CMIP: variants seen among roughly 807,000 people sequenced by gnomAD.
The protein encoded by CMIP is C-Maf-inducing protein.
In CMIP, 13 loss-of-function variants were observed where a neutral mutation model predicts 97.3. The ratio of observed to expected loss-of-function variants is 0.13; its 90% CI spans 0.09 to 0.21. The LOEUF (loss-of-function observed/expected upper bound fraction) is 0.21, where lower values mean the gene tolerates loss of function less well. Among genes scored for constraint, CMIP ranks in the 10% least tolerant of loss-of-function variants. The pLI, the probability that CMIP is intolerant of heterozygous loss-of-function variation, is 1.00. For synonymous variants in CMIP, 538 were observed against 436.3 expected (o/e 1.23, Z -2.91); for missense variants, 847 against 1,024.9 (o/e 0.83, Z 2.37).
At chr16:81,452,502 A>T (rs1906279543) in intron 1 of CMIP, among the ~76,000 whole-genome samples, 1 of 152,296 alleles carries the variant, frequency 6.6e-6, no homozygotes, top group Admixed American at 6.5e-5. Flanking sequence ...GCAAGTAATT[A>T]TAAAATCCGA....
rs944231801 is a variant in CMIP, at chr16:81,655,726, A to G, written c.640-2049A>G. On this transcript the variant is annotated intron_variant, in intron 4 of 20. Transcript: ENST00000537098. This position sits in a 1 kb window ranked among gnomAD's most constrained non-coding sequence, Gnocchi z 4.9. The stretch of plus-strand genomic sequence containing the variant: ...CTGCTTCTTGGATGGGTGGTGGAGC[A>G]CTGTAGCTCAGTGGCAGGAAATATA... 1.6e-4 allele frequency among the ~76,000 whole-genome samples: 24 copies of G among 152,308 alleles called. No homozygotes were observed. The highest frequency in any genetic ancestry group is 3.9e-4 in the East Asian group (2 of 5,188).
At chr16:81,607,137 G>A (rs2091757290) in intron 1 of CMIP, among the ~76,000 whole-genome samples, 1 of 152,242 alleles carries the variant, frequency 6.6e-6, no homozygotes, top group African/African-American at 2.4e-5. Context: ...TTGGAACGTG[G>A]CTCTGGAGGC....
chr16:81,523,211 C>A (rs7200107), intron 1 of CMIP, among the ~76,000 whole-genome samples: 1 of 152,196 alleles, frequency 6.6e-6, no homozygotes, highest in African/African-American at 2.4e-5. Context: ...TGAGCTACCG[C>A]GCTTTGCTTT....
intron 1 of CMIP, among the ~76,000 whole-genome samples, chr16:81,496,101 T>G (rs1024007527): frequency 2.0e-5 from 3 of 152,132 alleles, no homozygotes; most frequent in African/African-American, 7.2e-5. Flanking sequence ...AGTGTAGTGG[T>G]GCCTTTGTTT....
At chr16:81,594,605 A>G (rs749192027) in intron 1 of CMIP, among the ~76,000 whole-genome samples, 10 of 151,844 alleles carry the variant, frequency 6.6e-5, no homozygotes, top group Non-Finnish European at 1.5e-4. Context: ...TACCTATGAT[A>G]AAGTTTTTGT....
At chr16:81,605,748 G>A (rs765344681) in intron 1 of CMIP, among the ~76,000 whole-genome samples, 4 of 152,188 alleles carry the variant, frequency 2.6e-5, no homozygotes, top group Non-Finnish European at 5.9e-5. Context: ...TCTTTATGCG[G>A]CCCTTGCCAC....
chr16:81,496,561 A>G (rs1322103649), intron 1 of CMIP, among the ~76,000 whole-genome samples: 1 of 152,242 alleles, frequency 6.6e-6, no homozygotes, highest in Non-Finnish European at 1.5e-5. Context: ...CTTTGAATGG[A>G]TGACGATGTC....
chr16:81,640,229 AG>A (rs1393635130), intron 3 of CMIP, among the ~76,000 whole-genome samples: 1 of 150,000 alleles, frequency 6.7e-6, no homozygotes, highest in Non-Finnish European at 1.5e-5. Flanking sequence ...GGCGGGCCTT[AG>A]GGTGGAAGTC....
intron 15 of CMIP, among the ~76,000 whole-genome samples, 176 bp downstream of exon 15, chr16:81,699,977 ATT>A (rs1199472544): frequency 6.6e-6 from 1 of 151,924 alleles, no homozygotes; most frequent in Non-Finnish European, 1.5e-5. Flanking sequence ...CATGCAGTGT[ATT>A]TGTTTCTGTT....
chr16:81,483,597 C>G lies in CMIP; in HGVS notation c.300+38056C>G, dbSNP rs535925871. Among the ~76,000 whole-genome samples the G allele has an allele frequency of 2.1e-5, 3 of 145,826 alleles. No homozygotes were observed. In the East Asian group the frequency reaches 6.0e-4, roughly 29 times the overall value. On this transcript the variant is annotated intron_variant, in intron 1 of 20. Transcript: ENST00000537098. ...TCTTCCTCTTCCTCTTCCTCTTCCT[C>G]TTCCTCTCCCTCTCCCTGACCCTCC...
chr16:81,614,860 GTGTGCATGTGTGTGTGGTA>G lies in CMIP; in HGVS notation c.427-5999_427-5981del, dbSNP rs1239344073. Among the ~76,000 whole-genome samples the G allele has an allele frequency of 6.6e-6, 1 of 151,800 alleles. No individual in the cohort carries two copies. Among genetic ancestry groups the G allele is most frequent in the African/African-American group, 2.4e-5 (1 of 41,266 alleles). ...GGTGTGTATGCACATGTATCTCTGT[GTGTGCATGTGTGTGTGGTA>G]TGTGCATGTGTGTGTGTCCTGTGTC... On this transcript the variant is annotated intron_variant, in intron 2 of 20. Coordinates refer to ENST00000537098, the MANE Select transcript of CMIP (RefSeq NM_198390.3). This position sits in a 1 kb window ranked among gnomAD's most constrained non-coding sequence, Gnocchi z 5.3.
chr16:81,521,211 G>A (rs770507687), intron 1 of CMIP, among the ~76,000 whole-genome samples: 12 of 152,216 alleles, frequency 7.9e-5, no homozygotes, highest in Non-Finnish European at 1.5e-4. Flanking sequence ...TTTCAGCCCC[G>A]AGGCCTTTCG....
At chr16:81,658,139 C>G (rs1340050159) in intron 5 of CMIP, among the ~76,000 whole-genome samples, 1 of 152,228 alleles carries the variant, frequency 6.6e-6, no homozygotes, top group African/African-American at 2.4e-5. Context: ...AGAGGCATCA[C>G]CCCATTAGCT....
chr16:81,465,298 G>A (rs574072343), intron 1 of CMIP, among the ~76,000 whole-genome samples: 1 of 152,338 alleles, frequency 6.6e-6, no homozygotes, highest in African/African-American at 2.4e-5. Context: ...AGTCTTTGGT[G>A]TTGTGGGCTG....
chr16:81,595,487 C>T (rs2091540614), intron 1 of CMIP, among the ~76,000 whole-genome samples: 1 of 150,680 alleles, frequency 6.6e-6, no homozygotes, highest in East Asian at 2.0e-4. Flanking sequence ...CTGCCCTGTT[C>T]AAGCAGTTCT....
intron 3 of CMIP, among the ~76,000 whole-genome samples, chr16:81,624,154 A>G (rs2092028836): frequency 6.7e-6 from 1 of 149,648 alleles, no homozygotes; most frequent in Non-Finnish European, 1.5e-5. Flanking sequence ...TCAGTGGAAC[A>G]TCAAAATTGA....
intron 1 of CMIP, among the ~76,000 whole-genome samples, chr16:81,569,149 T>C (rs2091037917): frequency 6.6e-6 from 1 of 152,338 alleles, no homozygotes; most frequent in African/African-American, 2.4e-5. Flanking sequence ...AATTGGATGC[T>C]CTTGGGGTGA....
At chr16:81,524,675 C>T (rs1312904280) in intron 1 of CMIP, among the ~76,000 whole-genome samples, 1 of 152,248 alleles carries the variant, frequency 6.6e-6, no homozygotes, top group East Asian at 1.9e-4. Context: ...GGTTTGGCGG[C>T]ACAGGCCCTG....
intron 1 of CMIP, among the ~76,000 whole-genome samples, chr16:81,542,984 T>C (rs2090476474): frequency 6.6e-6 from 1 of 152,186 alleles, no homozygotes; most frequent in Non-Finnish European, 1.5e-5. Flanking sequence ...CTCTGGGGGA[T>C]TGTGAATTCT....
Sources: allele counts gnomAD v4.1 joint callset (sites outside exome capture counted in the v4.1 genomes callset), GRCh38; gene constraint gnomAD v4.1.1; non-coding constraint Gnocchi (gnomAD v3.1); transcripts MANE v1.5; gene names NCBI Gene and HGNC (gene_info 2026-07-23, HGNC 2026-07-21).